The following THUMPD3 variants were observed in gnomAD, a reference collection of about 807,000 sequenced individuals.
THUMPD3 encodes tRNA (guanine(6)-N(2))-methyltransferase THUMP3.
In THUMPD3, 44 loss-of-function variants were observed where a neutral mutation model predicts 54.5. The observed-to-expected ratio is 0.81, with a 90% confidence interval of 0.63 to 1.04. THUMPD3 has a LOEUF of 1.04. THUMPD3 is among the 50% of genes least tolerant of loss of function. THUMPD3 has a pLI of 0.00. For missense variants in THUMPD3, 604 were observed against 601.3 expected (o/e 1.00, Z -0.05); for synonymous variants, 196 against 201.4 (o/e 0.97, Z 0.23).
Position 9,380,580 on chromosome 3 carries a change from C to T in THUMPD3, c.1086C>T (p.Asn362=), listed in dbSNP as rs916376334. Residue 362 remains asparagine, a synonymous_variant, in exon 7 of 10, where the codon AAC becomes AAT. Coordinates refer to ENST00000452837, the MANE Select transcript of THUMPD3 (RefSeq NM_001114092.2). ...TGGCTGTGAATAGAGCAGCAAATAA[C>T]ATTGCATCTTTATTGACCAAGAGCC... ...NPLAVNRAAN[N]IASLLTKSQI... The T allele has an allele frequency of 3.3e-5, 54 of 1,613,516 alleles. No individual in the cohort carries two copies. Among genetic ancestry groups the T allele is most frequent in the Non-Finnish European group, 4.5e-5 (53 of 1,179,690 alleles).
At chr3:9,374,366 A>G (rs2032299609) in intron 4 of THUMPD3, 150 bp from the exon 5 acceptor site, 1 of 812,236 alleles carries the variant, frequency 1.2e-6, no homozygotes, top group Admixed American at 2.5e-5. Context: ...TGTCTGCACT[A>G]AGTTTGGCAT....
chr3:9,366,858 G>T (rs764997445), intron 2 of THUMPD3, 50 bp from the exon 3 acceptor site: 7 of 1,416,894 alleles, frequency 4.9e-6, no homozygotes, highest in African/African-American at 1.4e-5. Context: ...TTGATAGCTT[G>T]TGCTGTTCAA....
At chr3:9,377,153 AAT>A (rs2125324956) in intron 5 of THUMPD3, among the ~76,000 whole-genome samples, 1 of 152,242 alleles carries the variant, frequency 6.6e-6, no homozygotes, top group South Asian at 2.1e-4. Context: ...TTTTTAATGT[AAT>A]ACAGGTTTCT....
At position 9,386,158 on chromosome 3, in the gene THUMPD3, C is replaced by G. The variant is rs2125341999; in HGVS notation, c.*1470C>G. 1 of 152,296 alleles carries G rather than the reference C, an allele frequency of 6.6e-6. No homozygotes were observed. The highest frequency in any genetic ancestry group is 1.5e-5 in the Non-Finnish European group (1 of 68,024). 9.4% of individuals were successfully genotyped at this position (152,296 alleles called of 1,614,324 possible). A position where few individuals can be genotyped will look rare whatever the true frequency, so the allele number is the denominator to read the frequency against. Reference sequence around the variant, plus strand: ...TCATCTGGTTTCTCTGATCTCCTACCCCACACTTCATAATGAATGGGAAAT... The same window carrying G: ...TCATCTGGTTTCTCTGATCTCCTACGCCACACTTCATAATGAATGGGAAAT... On this transcript the variant is annotated 3_prime_UTR_variant, in exon 10 of 10. Transcript: ENST00000452837.
chr3:9,378,621 T>C (rs779298089), intron 6 of THUMPD3, among the ~76,000 whole-genome samples: 1 of 152,216 alleles, frequency 6.6e-6, no homozygotes, highest in Non-Finnish European at 1.5e-5. Flanking sequence ...GCAGATTATA[T>C]GATTGGGTAG....
chr3:9,378,620 A>G (rs755069293), intron 6 of THUMPD3, among the ~76,000 whole-genome samples: 11 of 152,266 alleles, frequency 7.2e-5, no homozygotes, highest in Non-Finnish European at 1.3e-4. Context: ...AGCAGATTAT[A>G]TGATTGGGTA....
chr3:9,379,764 C>G (rs969048107), intron 6 of THUMPD3, among the ~76,000 whole-genome samples: 1 of 152,156 alleles, frequency 6.6e-6, no homozygotes, highest in African/African-American at 2.4e-5. Flanking sequence ...GTAATCTCAG[C>G]TCCCTGCAAC....
At chr3:9,383,587 G>A (rs9850593) in intron 8 of THUMPD3, among the ~76,000 whole-genome samples, 3,045 of 151,850 alleles carry the variant, frequency 0.02, 112 homozygotes, top group African/African-American at 0.068. Context: ...AAAGGTGGTA[G>A]AAGACTTGGT....
At chr3:9,382,428 G>A (rs2032997800) in intron 7 of THUMPD3, among the ~76,000 whole-genome samples, 2 of 151,668 alleles carry the variant, frequency 1.3e-5, no homozygotes, top group Admixed American at 1.3e-4. Flanking sequence ...TTTTTTCTTA[G>A]TCTTGTTTTA....
At chr3:9,383,709 T>C (rs751687663) in intron 8 of THUMPD3, among the ~76,000 whole-genome samples, 2 of 151,872 alleles carry the variant, frequency 1.3e-5, no homozygotes, top group Non-Finnish European at 2.9e-5. Flanking sequence ...CTGTAACCTC[T>C]GCCTCCCGGG....
At position 9,371,533 on chromosome 3, in the gene THUMPD3, G is replaced by T. The variant is rs1429338697; in HGVS notation, c.804G>T (p.Val268=). Residue 268 remains valine, a synonymous_variant, in exon 4 of 10, where the codon GTG becomes GTT. Transcript: ENST00000452837. ...AGGCCGACATGACCAACTTTGATGT[G>T]GAGGTAGGTATAGGCTCTGACTGTG... ...KWKADMTNFD[V]EVLLNIHDNE... 1.2e-6 allele frequency: 2 copies of T among 1,610,764 alleles called. No individual in the cohort carries two copies. The highest frequency in any genetic ancestry group is 3.3e-5 in the Admixed American group (2 of 59,808).
At chr3:9,370,862 G>T (rs2031978780) in intron 3 of THUMPD3, among the ~76,000 whole-genome samples, 198 bp from the exon 4 acceptor site, 1 of 152,178 alleles carries the variant, frequency 6.6e-6, no homozygotes, top group Admixed American at 6.5e-5. Context: ...TTACTCTTGA[G>T]AGGATGTGTG....
In THUMPD3 at chr3:9,365,101, C is replaced by A; in HGVS notation, c.33C>A (p.Leu11=). MCDIEEATNQ[L]LDVNLHENQK... is the part of the protein sequence containing the mutation. ...ACATTGAAGAAGCCACTAACCAACT[C>A]CTAGATGTGAACCTTCATGAGAACC... is the stretch of plus-strand genomic sequence containing the variant. Residue 11 remains leucine (L), a synonymous_variant, in exon 2 of 10, where the codon CTC becomes CTA. Coordinates refer to ENST00000452837, the MANE Select transcript of THUMPD3 (RefSeq NM_001114092.2). 4 of 1,614,186 alleles carry A rather than the reference C, an allele frequency of 2.5e-6. No homozygotes were observed. The highest frequency in any genetic ancestry group is 3.4e-6 in the Non-Finnish European group (4 of 1,180,032).
chr3:9,365,105 G>A lies in THUMPD3; in HGVS notation c.37G>A (p.Asp13Asn). ...TGAAGAAGCCACTAACCAACTCCTA[G>A]ATGTGAACCTTCATGAGAACCAGAA... is the stretch of plus-strand genomic sequence containing the variant. Reference protein sequence around the residue: ...DIEEATNQLLDVNLHENQKSV... With the variant: ...DIEEATNQLLNVNLHENQKSV... Residue 13 changes from aspartate to asparagine, a missense_variant, in exon 2 of 10, where the codon GAT becomes AAT. Transcript: ENST00000452837. The A allele has an allele frequency of 6.2e-7, 1 of 1,614,224 alleles. No individual in the cohort carries two copies. Among genetic ancestry groups the A allele is most frequent in the South Asian group, 1.1e-5 (1 of 91,082 alleles).
At chr3:9,381,890 C>G (rs912796164) in intron 7 of THUMPD3, among the ~76,000 whole-genome samples, 2 of 149,448 alleles carry the variant, frequency 1.3e-5, no homozygotes, top group African/African-American at 4.9e-5. Flanking sequence ...CGCCATTCTC[C>G]TGCCTCAGCC....
intron 3 of THUMPD3, among the ~76,000 whole-genome samples, chr3:9,367,802 A>G (rs1484460003): frequency 6.6e-6 from 1 of 152,198 alleles, no homozygotes; most frequent in Non-Finnish European, 1.5e-5. Flanking sequence ...GTGGTGGCTC[A>G]CACCTGTAAT....
chr3:9,373,336 TA>T (rs200683477), intron 4 of THUMPD3, among the ~76,000 whole-genome samples: 7 of 148,776 alleles, frequency 4.7e-5, no homozygotes, highest in South Asian at 2.1e-4. Flanking sequence ...CTACAAAAAA[TA>T]AAAAAAAAAT....
chr3:9,368,301 T>C (rs896093443), intron 3 of THUMPD3, among the ~76,000 whole-genome samples: 4 of 151,464 alleles, frequency 2.6e-5, no homozygotes, highest in African/African-American at 9.7e-5. Flanking sequence ...CCCAAAGTGC[T>C]GGGATTACAG....
chr3:9,379,186 C>T (rs1383410315), intron 6 of THUMPD3, among the ~76,000 whole-genome samples: 3 of 150,446 alleles, frequency 2.0e-5, no homozygotes, highest in Admixed American at 2.0e-4. Context: ...CCAATTCTTT[C>T]CAATGCTGAA....
Sources: gnomAD v4.1 joint callset for allele counts (sites outside exome capture counted in the v4.1 genomes callset) on GRCh38, gnomAD v4.1.1 for gene constraint, MANE v1.5 for transcripts, NCBI Gene and HGNC (gene_info 2026-07-23, HGNC 2026-07-21) for gene names.